Variants in ZSCAN5A observed in about 807,000 individuals in gnomAD.
ZSCAN5A encodes zinc finger and SCAN domain-containing protein 5A.
ZSCAN5A carries 12 observed loss-of-function variants against 23.7 expected under a neutral mutation model. The ratio of observed to expected loss-of-function variants is 0.51; its 90% CI spans 0.32 to 0.82. The LOEUF (loss-of-function observed/expected upper bound fraction) is 0.82. ZSCAN5A is among the 40% of genes least tolerant of loss of function. ZSCAN5A has a pLI of 0.03. For synonymous variants in ZSCAN5A, 257 were observed against 239.9 expected, an observed-to-expected ratio of 1.07 and a Z score of -0.66; for missense variants, 597 against 617.9, an observed-to-expected ratio of 0.97 and a Z score of 0.36.
chr19:56,296,481 T>C (rs907172946), intron 2 of ZSCAN5A: 22 of 152,328 alleles, frequency 1.4e-4, no homozygotes, highest in Admixed American at 1.3e-3. Flanking sequence ...TTTATCCGTA[T>C]CATCATCTGC....
At chr19:56,335,079 T>C (rs1039408517) in intron 2 of ZSCAN5A, among the ~76,000 whole-genome samples, 1 of 151,960 alleles carries the variant, frequency 6.6e-6, no homozygotes, top group African/African-American at 2.4e-5. Flanking sequence ...ACAGACAAAA[T>C]AGCCAGTGTA....
intron 2 of ZSCAN5A, among the ~76,000 whole-genome samples, chr19:56,237,599 T>C (rs888346335): frequency 1.3e-5 from 2 of 152,140 alleles, no homozygotes; most frequent in African/African-American, 4.8e-5. Context: ...ATCCACACTG[T>C]ATCGCATACT....
intron 2 of ZSCAN5A, among the ~76,000 whole-genome samples, chr19:56,325,354 A>T (rs1390371309): frequency 6.6e-6 from 1 of 152,088 alleles, no homozygotes; most frequent in Non-Finnish European, 1.5e-5. Flanking sequence ...GTCCCGCTTT[A>T]TGGGAGCTCA....
chr19:56,356,276 C>G lies in ZSCAN5A; in HGVS notation c.-358+6959G>C, dbSNP rs543342864. ...AAGTCTGAGCCCCGAACAAAGAGAG[C>G]AGCCACCTTTTAAACAATCAGTGGT... is the stretch of plus-strand genomic sequence containing the variant. On this transcript the variant is annotated intron_variant, in intron 2 of 6. Coordinates refer to the ZSCAN5A transcript ENST00000587340. Among the ~76,000 whole-genome samples the G allele has an allele frequency of 2.8e-4, 42 of 148,614 alleles. 1 individual carries two copies. The highest frequency in any genetic ancestry group is 5.8e-4 in the Non-Finnish European group (39 of 67,276).
intron 2 of ZSCAN5A, among the ~76,000 whole-genome samples, chr19:56,226,115 G>C (rs1334794944): frequency 6.6e-6 from 1 of 152,066 alleles, no homozygotes; most frequent in Non-Finnish European, 1.5e-5. Context: ...TGCTTTCCTA[G>C]ACACAGGTGG....
chr19:56,326,992 CGAGTT>C (rs1216478869), intron 2 of ZSCAN5A, among the ~76,000 whole-genome samples: 1 of 151,986 alleles, frequency 6.6e-6, no homozygotes, highest in Non-Finnish European at 1.5e-5. Flanking sequence ...ATGCCCTTCA[CGAGTT>C]GAGGTTGTGC....
At position 56,331,011 on chromosome 19, in the gene ZSCAN5A, T is replaced by C. The variant is rs147866771; in HGVS notation, c.-357-14743A>G. 3.4e-3 allele frequency among the ~76,000 whole-genome samples: 519 copies of C among 152,310 alleles called. 6 individuals are homozygous for C. Among genetic ancestry groups the C allele is most frequent in the African/African-American group, 0.012 (500 of 41,562 alleles). The stretch of plus-strand genomic sequence containing the variant: ...GGTGAAATGTAGGGGTCCAGTTGCA[T>C]TCTTCTGCATATGCCTAGCCAGCAA... On this transcript the variant is annotated intron_variant, in intron 2 of 6. Coordinates refer to the ZSCAN5A transcript ENST00000587340.
intron 2 of ZSCAN5A, among the ~76,000 whole-genome samples, chr19:56,237,155 C>T (rs549353582): frequency 1.7e-4 from 26 of 152,364 alleles, no homozygotes; most frequent in African/African-American, 6.3e-4. Flanking sequence ...CTGTGCTTTC[C>T]TTACTCCGTT....
chr19:56,235,012 C>T (rs1005521462), intron 2 of ZSCAN5A, among the ~76,000 whole-genome samples: 2 of 152,234 alleles, frequency 1.3e-5, no homozygotes, highest in Non-Finnish European at 2.9e-5. Context: ...CAGGCCACAT[C>T]CTCACTCCTG....
At chr19:56,261,781 A>T (rs959339717) in intron 2 of ZSCAN5A, among the ~76,000 whole-genome samples, 1 of 152,232 alleles carries the variant, frequency 6.6e-6, no homozygotes, top group Non-Finnish European at 1.5e-5. Context: ...AAGAGCTTAA[A>T]TAACAATTCA....
At chr19:56,303,807 C>CGGGCAGGTAACGTCT (rs1306915299) in intron 2 of ZSCAN5A, among the ~76,000 whole-genome samples, 1 of 119,938 alleles carries the variant, frequency 8.3e-6, no homozygotes, top group Non-Finnish European at 1.6e-5. Flanking sequence ...CAGCCTTCCC[C>CGGGCAGGTAACGTCT]GGGCAGGTAA....
chr19:56,265,087 A>G (rs1029139956), intron 2 of ZSCAN5A, among the ~76,000 whole-genome samples: 7 of 152,060 alleles, frequency 4.6e-5, no homozygotes, highest in Admixed American at 3.9e-4. Flanking sequence ...ACACCACTGC[A>G]CTCCAGCCCG....
rs988768585 is a variant in ZSCAN5A, at chr19:56,361,883, T to C, written c.-358+1352A>G. On this transcript the variant is annotated intron_variant, in intron 2 of 6. Coordinates refer to the ZSCAN5A transcript ENST00000587340. ...TTAAAAAAACAAAAAAAAGGCAGGGTGCGGTGGCTCACACCTGTAATCCCA... is the reference window on the plus strand; with the variant it reads ...TTAAAAAAACAAAAAAAAGGCAGGGCGCGGTGGCTCACACCTGTAATCCCA... 4.6e-5 allele frequency among the ~76,000 whole-genome samples: 7 copies of C among 151,236 alleles called. No individual in the cohort carries two copies. The East Asian group carries it at 7.7e-4, about 17-fold the overall frequency.
chr19:56,329,006 A>T (rs12610928), intron 2 of ZSCAN5A, among the ~76,000 whole-genome samples: 21,266 of 144,366 alleles, frequency 0.15, 2,368 homozygotes, highest in African/African-American at 0.3. Flanking sequence ...AAAAAAAAAA[A>T]AAATAAATAA....
At chr19:56,270,248 T>A (rs1469532345) in intron 2 of ZSCAN5A, among the ~76,000 whole-genome samples, 1 of 151,884 alleles carries the variant, frequency 6.6e-6, no homozygotes, top group Admixed American at 6.6e-5. Flanking sequence ...TGAAACCCTG[T>A]CTCTACTAAA....
rs1242127665 is a variant in ZSCAN5A at position 56,351,975 on chromosome 19, C to T, written c.-358+11260G>A. Among the ~76,000 whole-genome samples, 1 of 152,132 alleles carries T rather than the reference C, an allele frequency of 6.6e-6. No homozygotes were observed. Among genetic ancestry groups the T allele is most frequent in the African/African-American group, 2.4e-5 (1 of 41,434 alleles). ...ATGAAGATGTCATTACACTTTCTTA[C>T]CCAAAGTCAGGTAGGGAAGTGGGAC... On this transcript the variant is annotated intron_variant, in intron 2 of 6. Transcript: ENST00000587340. This position sits in a 1 kb window ranked among gnomAD's most constrained non-coding sequence, Gnocchi z 4.8.
chr19:56,267,862 C>T lies in ZSCAN5A; in HGVS notation c.-127-42689G>A, dbSNP rs193126694. 1.4e-3 allele frequency among the ~76,000 whole-genome samples: 214 copies of T among 152,242 alleles called. 4 individuals carry two copies. In the South Asian group the frequency reaches 0.031, roughly 22 times the overall value. ...ATGTAGTCAGTGCTAGAAAAAGTAT[C>T]GACTGTTGCTATGACACCTCCATTT... On this transcript the variant is annotated intron_variant, in intron 2 of 5. Transcript: ENST00000683990.
Position 56,356,161 on chromosome 19 carries a change from C to T in ZSCAN5A, c.-358+7074G>A, listed in dbSNP as rs552564529. ...GGAGGATTTGGTAACTGTCTTGTAGCGGGACAATCAGAGATGGGAGAGACT... is the reference window on the plus strand; with the variant it reads ...GGAGGATTTGGTAACTGTCTTGTAGTGGGACAATCAGAGATGGGAGAGACT... On this transcript the variant is annotated intron_variant, in intron 2 of 6. Transcript: ENST00000587340. 2.9e-4 allele frequency among the ~76,000 whole-genome samples: 43 copies of T among 148,340 alleles called. 2 individuals carry two copies. The highest frequency in any genetic ancestry group is 6.7e-4 in the Admixed American group (10 of 15,024).
intron 2 of ZSCAN5A, among the ~76,000 whole-genome samples, chr19:56,341,636 AT>A (rs1051148544): frequency 9.2e-4 from 126 of 137,328 alleles, no homozygotes; most frequent in Admixed American, 1.4e-3. Flanking sequence ...TTCATTAAAA[AT>A]TTTTTTAACC....
Sources: allele counts gnomAD v4.1 joint callset (sites outside exome capture counted in the v4.1 genomes callset), GRCh38; gene constraint gnomAD v4.1.1; non-coding constraint Gnocchi (gnomAD v3.1); transcripts MANE v1.5; gene names NCBI Gene and HGNC (gene_info 2026-07-23, HGNC 2026-07-21).